The following XPNPEP2 variants were observed in gnomAD, a reference collection of about 807,000 sequenced individuals.
XPNPEP2 encodes X-prolyl aminopeptidase 2.
Under a neutral mutation model 59.8 loss-of-function variants are expected in XPNPEP2, and 64 were observed. That is an observed-to-expected ratio of 1.07 (90% CI 0.87 to 1.32). XPNPEP2 has a LOEUF of 1.32. Ranked by LOEUF, XPNPEP2 falls within the 40% of genes most tolerant of loss-of-function variation. The probability of loss-of-function intolerance (pLI) is 0.00; values close to 1 mark genes in which losing one functional copy is unlikely to be tolerated. For missense variants in XPNPEP2, 575 were observed against 546.8 expected, an observed-to-expected ratio of 1.05 and a Z score of -0.51; for synonymous variants, 235 against 210.0, an observed-to-expected ratio of 1.12 and a Z score of -1.03.
At chrX:129,745,026 A>T (rs773970742) in intron 3 of XPNPEP2, among the ~76,000 whole-genome samples, 177 bp from the exon 4 acceptor site, 1 of 111,514 alleles carries the variant, frequency 9.0e-6, no homozygotes, top group Admixed American at 9.5e-5. Flanking sequence ...AAGGGAAGAT[A>T]TTGAAGGCTG....
At chrX:129,754,918 T>C (rs1926490481) in intron 12 of XPNPEP2, among the ~76,000 whole-genome samples, 1 of 111,332 alleles carries the variant, frequency 9.0e-6, no homozygotes, top group Non-Finnish European at 1.9e-5. Context: ...CACTTGAGAA[T>C]ACCAGGTAGG....
intron 19 of XPNPEP2, among the ~76,000 whole-genome samples, chrX:129,766,980 G>A (rs768046854): frequency 9.0e-6 from 1 of 111,436 alleles, no homozygotes; most frequent in Non-Finnish European, 1.9e-5. Flanking sequence ...TTGGGAAGCT[G>A]AGGTGGGTGG....
chrX:129,751,929 A>G (rs756642749), intron 9 of XPNPEP2, 103 bp downstream of exon 9: 123 of 909,907 alleles, frequency 1.4e-4, no homozygotes, highest in Non-Finnish European at 6.5e-5. Flanking sequence ...CTGGCTGCCC[A>G]TCAGCTCGGC....
intron 7 of XPNPEP2, 129 bp downstream of exon 7, chrX:129,747,882 G>C (rs768980341): frequency 2.0e-6 from 2 of 976,006 alleles, no homozygotes; most frequent in Non-Finnish European, 1.4e-6. Context: ...ATGCACCTGA[G>C]TCACCTGGGA....
intron 8 of XPNPEP2, 124 bp downstream of exon 8, chrX:129,750,693 C>T: frequency 1.8e-6 from 1 of 559,679 alleles, no homozygotes; most frequent in Non-Finnish European, 2.7e-6. Context: ...TTCTTGAGAA[C>T]TCCATGGCCA....
rs778356406 is a variant in XPNPEP2, at chrX:129,749,166, C to A, written c.638-1302C>A. On this transcript the variant is annotated intron_variant, in intron 7 of 20. Transcript: ENST00000371106. ...GAGAAGGCCACATATTGTACAATTC[C>A]ATTTGTATGAAATATCCAGCACTGG... Among the ~76,000 whole-genome samples, 5 of 111,627 alleles carry A rather than the reference C, an allele frequency of 4.5e-5. No individual in the cohort carries two copies. The East Asian group carries it at 1.1e-3, about 25-fold the overall frequency.
chrX:129,753,188 A>C lies in XPNPEP2; in HGVS notation c.1047A>C (p.Pro349=). The stretch of plus-strand genomic sequence containing the variant: ...AACTCGTGACAGACACCTACTCCCC[A>C]GTGATGATGACCAAGGCAGTGAAGA... ...KEKLVTDTYS[P]VMMTKAVKNS... is the part of the protein sequence containing the mutation. The change falls in exon 11 of 21, where the codon CCA becomes CCC. Residue 349 remains proline, a synonymous_variant. Coordinates refer to ENST00000371106, the MANE Select transcript of XPNPEP2 (RefSeq NM_003399.6). The C allele has an allele frequency of 8.3e-7, 1 of 1,211,164 alleles. No homozygotes were observed. Among genetic ancestry groups the C allele is most frequent in the Non-Finnish European group, 1.1e-6 (1 of 895,285 alleles).
chrX:129,743,311 C>A (rs1283826407), intron 2 of XPNPEP2, among the ~76,000 whole-genome samples: 1 of 112,213 alleles, frequency 8.9e-6, no homozygotes, highest in African/African-American at 3.2e-5. Context: ...AAGGGTCTTT[C>A]TGGGCAATAT....
chrX:129,742,858 T>G (rs369778733), intron 2 of XPNPEP2, among the ~76,000 whole-genome samples: 14 of 111,832 alleles, frequency 1.3e-4, no homozygotes, highest in South Asian at 3.7e-4. Context: ...GCCAAGATTG[T>G]GCCACTGCAC....
At chrX:129,752,574 G>A (rs1926441883) in intron 10 of XPNPEP2, among the ~76,000 whole-genome samples, 1 of 112,209 alleles carries the variant, frequency 8.9e-6, no homozygotes, top group South Asian at 3.7e-4. Context: ...TATACGGCCT[G>A]ATCTAGCAGA....
intron 3 of XPNPEP2, among the ~76,000 whole-genome samples, chrX:129,744,377 G>A (rs1926255662): frequency 8.9e-6 from 1 of 112,490 alleles, no homozygotes; most frequent in Non-Finnish European, 1.9e-5. Flanking sequence ...CCTGCCCTAG[G>A]AGGTTAGAAG....
At chrX:129,742,029 C>T (rs756714070) in intron 1 of XPNPEP2, 79 bp from the exon 2 acceptor site, 464 of 959,037 alleles carry the variant, frequency 4.8e-4, no homozygotes, top group Non-Finnish European at 6.2e-4. Flanking sequence ...CCCCGTGGGG[C>T]GGGCTGAGAG....
intron 13 of XPNPEP2, among the ~76,000 whole-genome samples, 153 bp from the exon 14 acceptor site, chrX:129,756,331 C>G (rs1041260847): frequency 9.8e-5 from 11 of 111,994 alleles, no homozygotes; most frequent in African/African-American, 3.2e-4. Context: ...GCAACGGAAG[C>G]TGAGTTCTCT....
chrX:129,754,745 G>A (rs1253263918), intron 12 of XPNPEP2, among the ~76,000 whole-genome samples, 164 bp downstream of exon 12: 1 of 111,043 alleles, frequency 9.0e-6, no homozygotes, highest in Non-Finnish European at 1.9e-5. Flanking sequence ...GTTCTTGGGT[G>A]GTCGGGGAGT....
At chrX:129,743,427 A>T (rs1450514637) in intron 2 of XPNPEP2, among the ~76,000 whole-genome samples, 1 of 112,512 alleles carries the variant, frequency 8.9e-6, no homozygotes, top group Non-Finnish European at 1.9e-5. Flanking sequence ...AAAATACAGG[A>T]CACCCAGTTA....
Position 129,746,233 on chromosome X carries a change from C to T in XPNPEP2, c.299-3C>T. 1 of 1,209,242 alleles carries T rather than the reference C, an allele frequency of 8.3e-7. No individual in the cohort carries two copies. Among genetic ancestry groups the T allele is most frequent in the Non-Finnish European group, 1.1e-6 (1 of 894,164 alleles). On this transcript the variant is annotated splice_polypyrimidine_tract_variant and splice_region_variant and intron_variant, in intron 4 of 20. Transcript: ENST00000371106. Reference sequence around the variant, plus strand: ...ACCTGCAAGTTTCTCTGTTCTGCCCCAGGAACTGCAGTGGTGACTATGAAG... The same window carrying T: ...ACCTGCAAGTTTCTCTGTTCTGCCCTAGGAACTGCAGTGGTGACTATGAAG...
chrX:129,756,407 G>A (rs181350568), intron 13 of XPNPEP2, 77 bp from the exon 14 acceptor site: 2 of 1,040,360 alleles, frequency 1.9e-6, no homozygotes, highest in East Asian at 3.0e-5. Flanking sequence ...AGGCCCCAGA[G>A]GTCCTCCCAC....
intron 2 of XPNPEP2, 136 bp downstream of exon 2, chrX:129,742,317 GCCCCTCCTCCTACCAGGC>G: frequency 2.9e-6 from 1 of 346,888 alleles, no homozygotes; most frequent in Non-Finnish European, 5.0e-6. Context: ...TCAGTTGGTA[GCCCCTCCTCCTACCAGGC>G]TTTCTCCTGA....
intron 1 of XPNPEP2, among the ~76,000 whole-genome samples, chrX:129,740,266 A>G (rs1926147236): frequency 8.9e-6 from 1 of 112,668 alleles, no homozygotes; most frequent in Non-Finnish European, 1.9e-5. Context: ...TGAGACCAAG[A>G]TAAAATCACA....
Sources: allele counts gnomAD v4.1 joint callset (sites outside exome capture counted in the v4.1 genomes callset), GRCh38; gene constraint gnomAD v4.1.1; transcripts MANE v1.5; gene names NCBI Gene and HGNC (gene_info 2026-07-23, HGNC 2026-07-21).